SSX3: variants seen among roughly 807,000 people sequenced by gnomAD.
SSX3 encodes the protein protein SSX3.
In SSX3, 6 loss-of-function variants were observed where a neutral mutation model predicts 14.8. The ratio of observed to expected loss-of-function variants is 0.41; its 90% CI spans 0.22 to 0.80. The LOEUF (loss-of-function observed/expected upper bound fraction) is 0.80, where lower values mean the gene tolerates loss of function less well. SSX3 is among the 30% of genes least tolerant of loss of function. The pLI, the probability that SSX3 is intolerant of heterozygous loss-of-function variation, is 0.34. For missense variants in SSX3, 163 were observed against 152.2 expected, an observed-to-expected ratio of 1.07 and a Z score of -0.37; for synonymous variants, 55 against 52.9, an observed-to-expected ratio of 1.04 and a Z score of -0.18.
At chrX:48,348,612 A>C (rs1376135409) in intron 6 of SSX3, among the ~76,000 whole-genome samples, 9 of 112,358 alleles carry the variant, frequency 8.0e-5, no homozygotes, top group African/African-American at 2.0e-4. Context: ...GCTGAAAGCT[A>C]GGCCTCTTGC....
At position 48,354,986 on chromosome X, in the gene SSX3, T is replaced by G. The variant is rs782560288; in HGVS notation, c.69+195A>C. ...CCAGAATGGACTGAGAGTCACCAAA[T>G]GTAGTGCAAGGTCACAGACTTGTCT... is the stretch of plus-strand genomic sequence containing the variant. On this transcript the variant is annotated intron_variant, in intron 2 of 7. Transcript: ENST00000298396. The G allele has an allele frequency of 8.0e-6, 6 of 752,451 alleles. No individual in the cohort carries two copies. In the African/African-American group the frequency reaches 1.2e-4, roughly 15 times the overall value. The allele number at this position is 752,451 out of a possible 1,213,427, so 62.0% of individuals were successfully genotyped here.
intron 5 of SSX3, among the ~76,000 whole-genome samples, chrX:48,351,420 A>G (rs1211477058): frequency 5.4e-5 from 6 of 112,017 alleles, no homozygotes; most frequent in Non-Finnish European, 1.1e-4. Flanking sequence ...GCGATTCCTA[A>G]GCCATGCAAG....
intron 5 of SSX3, among the ~76,000 whole-genome samples, chrX:48,351,335 C>A (rs1569461293): frequency 8.9e-6 from 1 of 111,755 alleles, no homozygotes; most frequent in Non-Finnish European, 1.9e-5. Context: ...TGGGCTGGGA[C>A]TGGGGCTTCC....
In SSX3 at chrX:48,350,158, G is replaced by T. The variant is rs188458025; in HGVS notation, c.331-36C>A. The T allele has an allele frequency of 1.6e-5, 19 of 1,205,912 alleles. No homozygotes were observed. In the East Asian group the frequency reaches 5.6e-4, roughly 36 times the overall value. ...TGAAGGTCATAGATAAATAGTATCA[G>T]TGACATTTCTATAGTGCTTTTGAGC... On this transcript the variant is annotated intron_variant, in intron 5 of 7. Transcript: ENST00000298396.
chrX:48,353,146 A>G (rs187720301), intron 4 of SSX3, among the ~76,000 whole-genome samples: 4,649 of 98,306 alleles, frequency 0.047, 288 homozygotes, highest in African/African-American at 0.17. Context: ...TTTTTTTTTC[A>G]CTTGTAACAT....
chrX:48,347,617 A>C lies in SSX3; in HGVS notation c.467-13T>G, dbSNP rs1556948804. ...CCCCTTTTGGGTCCTATGATGGAGA[A>C]TAGTTGGAAAGTGAGGGTTGGGTAG... On this transcript the variant is annotated splice_polypyrimidine_tract_variant and intron_variant, in intron 6 of 7. Coordinates refer to ENST00000298396, the MANE Select transcript of SSX3 (RefSeq NM_021014.4). The C allele has an allele frequency of 8.3e-7, 1 of 1,207,507 alleles. No homozygotes were observed. The highest frequency in any genetic ancestry group is 1.1e-6 in the Non-Finnish European group (1 of 894,494).
intron 5 of SSX3, among the ~76,000 whole-genome samples, chrX:48,351,523 C>G (rs2061263121): frequency 8.9e-6 from 1 of 112,415 alleles, no homozygotes; most frequent in African/African-American, 3.2e-5. Flanking sequence ...TGGGGTGAAG[C>G]CCTAGTGAGC....
intron 6 of SSX3, 128 bp downstream of exon 6, chrX:48,349,859 G>A: frequency 8.7e-7 from 1 of 1,153,946 alleles, no homozygotes; most frequent in Middle Eastern, 2.5e-4. Flanking sequence ...ATCTCATCTG[G>A]AGCTGGGCAA....
chrX:48,350,573 G>A (rs782150729), intron 5 of SSX3, among the ~76,000 whole-genome samples: 2 of 110,604 alleles, frequency 1.8e-5, no homozygotes, highest in South Asian at 7.9e-4. Flanking sequence ...ATGGTGTGGG[G>A]AGATGAACAC....
intron 6 of SSX3, chrX:48,349,688 A>T: frequency 8.6e-7 from 1 of 1,160,831 alleles, no homozygotes; most frequent in Non-Finnish European, 1.1e-6. Context: ...CTTCTAGATT[A>T]AATTTAATGT....
chrX:48,348,283 T>C, intron 6 of SSX3: 1 of 488,066 alleles, frequency 2.0e-6, no homozygotes, highest in Non-Finnish European at 3.7e-6. Context: ...TACAATTAAG[T>C]TATTATTGAC....
At chrX:48,355,553 G>A (rs1464478660) in intron 1 of SSX3, among the ~76,000 whole-genome samples, 4 of 110,830 alleles carry the variant, frequency 3.6e-5, no homozygotes, top group African/African-American at 1.3e-4. Flanking sequence ...TTTCCCTGGA[G>A]CTAGGCTTCC....
intron 6 of SSX3, chrX:48,348,460 C>T (rs1170166487): frequency 1.9e-6 from 1 of 516,646 alleles, no homozygotes; most frequent in Non-Finnish European, 3.5e-6. Context: ...TGAGACACAG[C>T]AATACTGAAA....
At chrX:48,351,119 C>T (rs1441406608) in intron 5 of SSX3, among the ~76,000 whole-genome samples, 1 of 111,781 alleles carries the variant, frequency 8.9e-6, no homozygotes, top group Non-Finnish European at 1.9e-5. Context: ...GTGAACCATA[C>T]ATGTAAAATA....
In SSX3 at chrX:48,347,421, AGT is replaced by A; in HGVS notation, c.*4+77_*4+78del. 4 of 1,179,843 alleles carry A rather than the reference AGT, an allele frequency of 3.4e-6. No homozygotes were observed. In the East Asian group the frequency reaches 1.2e-4, roughly 35 times the overall value. On this transcript the variant is annotated intron_variant, in intron 7 of 7. Transcript: ENST00000298396. ...TAAGAAGGGAATGATTTGGGGAGCA[AGT>A]GACAGATGGGATGCCAGTATCATAA...
Position 48,354,057 on chromosome X carries a change from T to C in SSX3, c.222A>G (p.Lys74=). 1 of 1,209,406 alleles carries C rather than the reference T, an allele frequency of 8.3e-7. No individual in the cohort carries two copies. Among genetic ancestry groups the C allele is most frequent in the Non-Finnish European group, 1.1e-6 (1 of 894,369 alleles). Residue 74 remains lysine, a synonymous_variant, in exon 4 of 8, where the codon AAA becomes AAG. Transcript: ENST00000298396. ...KAILPSFMRN[K]RVTDFQGNDF... is the part of the protein sequence containing the mutation. ...CATTCCCCTGGAAGTCTGTGACCCG[T>C]TTATTACGCATGAAAGATGGGAGGA...
intron 6 of SSX3, 44 bp downstream of exon 6, chrX:48,349,943 G>A (rs782264073): frequency 1.5e-5 from 18 of 1,206,702 alleles, no homozygotes; most frequent in South Asian, 5.4e-5. Context: ...CCTGAACGTC[G>A]CCAGGGAAGC....
In SSX3 at chrX:48,346,496, G is replaced by T; in HGVS notation, c.*544C>A. Reference sequence around the variant, plus strand: ...GAATCGGATGAGGGGAGTACATGCTGACCAGGAAACAGAGTGAGGGAAGCC... The same window carrying T: ...GAATCGGATGAGGGGAGTACATGCTTACCAGGAAACAGAGTGAGGGAAGCC... On this transcript the variant is annotated 3_prime_UTR_variant, in exon 8 of 8. Transcript: ENST00000298396. 4.3e-6 allele frequency: 1 copy of T among 230,813 alleles called. No individual in the cohort carries two copies. Among genetic ancestry groups the T allele is most frequent in the Non-Finnish European group, 7.8e-6 (1 of 127,886 alleles). 19.0% of individuals were successfully genotyped at this position (230,813 alleles called of 1,213,427 possible).
At chrX:48,356,183 G>A (rs782568861) in intron 1 of SSX3, among the ~76,000 whole-genome samples, 25 of 111,507 alleles carry the variant, frequency 2.2e-4, no homozygotes, top group Non-Finnish European at 3.0e-4. Flanking sequence ...TAGCAGAAGC[G>A]GGGTGGTGCG....
Sources: gnomAD v4.1 joint callset for allele counts (sites outside exome capture counted in the v4.1 genomes callset) on GRCh38, gnomAD v4.1.1 for gene constraint, MANE v1.5 for transcripts, NCBI Gene and HGNC (gene_info 2026-07-23, HGNC 2026-07-21) for gene names.